Variants in PTPRN2 observed in about 807,000 individuals in gnomAD.
PTPRN2 encodes protein tyrosine phosphatase receptor type N2.
Under a neutral mutation model 118.8 loss-of-function variants are expected in PTPRN2, and 74 were observed. The ratio of observed to expected loss-of-function variants is 0.62; its 90% CI spans 0.52 to 0.76. The LOEUF (loss-of-function observed/expected upper bound fraction) is 0.76. Ranked by LOEUF, PTPRN2 falls within the 30% of genes least tolerant of loss-of-function variation. The probability of loss-of-function intolerance (pLI) is 0.00; values close to 1 mark genes in which losing one functional copy is unlikely to be tolerated. For synonymous variants in PTPRN2, 641 were observed against 608.0 expected (o/e 1.05, Z -0.80); for missense variants, 1,481 against 1,394.4 (o/e 1.06, Z -0.99).
intron 2 of PTPRN2, among the ~76,000 whole-genome samples, chr7:158,333,029 G>A (rs551082967): frequency 1.8e-5 from 2 of 110,360 alleles, no homozygotes; most frequent in African/African-American, 8.9e-5. Flanking sequence ...GCTGAAACCT[G>A]CAGACGTCAC....
Position 157,785,728 on chromosome 7 carries a change from G to A in PTPRN2, c.1789-102791C>T, listed in dbSNP as rs976778760. ...GGCATGGGGCCGGCCTGGGAAGCAT[G>A]GCGGGAGGGGAGAAGAATCGCGATC... On this transcript the variant is annotated intron_variant, in intron 12 of 22. Coordinates refer to ENST00000389418, the MANE Select transcript of PTPRN2 (RefSeq NM_002847.5). This position sits in a 1 kb window ranked among gnomAD's most constrained non-coding sequence, Gnocchi z 7.3. 2.0e-5 allele frequency among the ~76,000 whole-genome samples: 3 copies of A among 152,182 alleles called. No individual in the cohort carries two copies. Among genetic ancestry groups the A allele is most frequent in the Admixed American group, 6.5e-5 (1 of 15,286 alleles).
At chr7:158,175,126 C>A (rs1824069720) in intron 5 of PTPRN2, among the ~76,000 whole-genome samples, 1 of 152,166 alleles carries the variant, frequency 6.6e-6, no homozygotes, top group Non-Finnish European at 1.5e-5. Context: ...CACCGAGGAT[C>A]CAAAACAAAT....
At chr7:158,009,845 C>T (rs1805910906) in intron 11 of PTPRN2, among the ~76,000 whole-genome samples, 1 of 152,234 alleles carries the variant, frequency 6.6e-6, no homozygotes, top group African/African-American at 2.4e-5. Flanking sequence ...TAATGACACA[C>T]TCACTGCACA....
chr7:158,479,361 C>A (rs181119483), intron 2 of PTPRN2, among the ~76,000 whole-genome samples: 3 of 152,028 alleles, frequency 2.0e-5, no homozygotes, highest in African/African-American at 7.2e-5. Context: ...CTCCCTCTCT[C>A]CTCCGCTCTT....
chr7:158,305,039 G>A (rs1337083775), intron 3 of PTPRN2, among the ~76,000 whole-genome samples: 1 of 152,168 alleles, frequency 6.6e-6, no homozygotes, highest in African/African-American at 2.4e-5. Context: ...GCTGCAAAAG[G>A]TCTGCTTTGT....
At chr7:158,437,060 TCTC>T (rs765529172) in intron 2 of PTPRN2, among the ~76,000 whole-genome samples, 84 of 152,280 alleles carry the variant, frequency 5.5e-4, no homozygotes, top group Non-Finnish European at 3.8e-4. Context: ...CTGTTTTCCT[TCTC>T]CTCTTCTGGG....
intron 12 of PTPRN2, among the ~76,000 whole-genome samples, chr7:157,820,650 A>G (rs1304906734): frequency 6.6e-6 from 1 of 152,030 alleles, no homozygotes; most frequent in African/African-American, 2.4e-5. Flanking sequence ...GCACACACAC[A>G]TGCACACACA....
At chr7:157,579,537 A>G (rs1271059561) in intron 17 of PTPRN2, among the ~76,000 whole-genome samples, 2 of 152,208 alleles carry the variant, frequency 1.3e-5, no homozygotes. Flanking sequence ...TAAAAATACA[A>G]TGATCTAGAC....
chr7:158,060,847 G>A (rs1438553392), intron 11 of PTPRN2, among the ~76,000 whole-genome samples: 1 of 152,238 alleles, frequency 6.6e-6, no homozygotes, highest in Non-Finnish European at 1.5e-5. Flanking sequence ...GGCCTGGAGG[G>A]ATGAAGAAGG....
rs913267847 is a variant in PTPRN2, at chr7:158,210,272, A to C, written c.278-4999T>G. 1.3e-4 allele frequency among the ~76,000 whole-genome samples: 19 copies of C among 144,642 alleles called. No individual in the cohort carries two copies. In the South Asian group the frequency reaches 1.3e-3, roughly 10 times the overall value. 94.9% of individuals were successfully genotyped at this position (144,642 alleles called of 152,430 possible). Reference sequence around the variant, plus strand: ...TGCCTCAGCCTCCCGAGTAGCTGGGACTACAGGCGCCCGCTACCACGCCTG... The same window carrying C: ...TGCCTCAGCCTCCCGAGTAGCTGGGCCTACAGGCGCCCGCTACCACGCCTG... On this transcript the variant is annotated intron_variant, in intron 3 of 22. Transcript: ENST00000389418.
At chr7:158,371,170 C>T (rs763871214) in intron 2 of PTPRN2, among the ~76,000 whole-genome samples, 6 of 152,036 alleles carry the variant, frequency 3.9e-5, no homozygotes, top group Admixed American at 6.6e-5. Context: ...AAGGATAACA[C>T]GGCCAAGTGA....
chr7:158,195,767 G>T (rs536040054), intron 4 of PTPRN2, among the ~76,000 whole-genome samples: 1 of 152,146 alleles, frequency 6.6e-6, no homozygotes, highest in East Asian at 1.9e-4. Flanking sequence ...TTGTGTCTGT[G>T]TCAGTTCTGT....
At chr7:158,238,250 G>A (rs1419930318) in intron 3 of PTPRN2, among the ~76,000 whole-genome samples, 2 of 152,128 alleles carry the variant, frequency 1.3e-5, no homozygotes, top group African/African-American at 4.8e-5. Flanking sequence ...CCCTACAGCT[G>A]GGCCTGGAGA....
chr7:158,561,166 A>G (rs1827358259), intron 1 of PTPRN2, among the ~76,000 whole-genome samples: 1 of 152,244 alleles, frequency 6.6e-6, no homozygotes, highest in African/African-American at 2.4e-5. Flanking sequence ...AGATCGGGAC[A>G]TTAGATTACT....
chr7:157,629,577 G>A lies in PTPRN2; in HGVS notation c.2197-8068C>T, dbSNP rs796821618. 2.6e-5 allele frequency among the ~76,000 whole-genome samples: 4 copies of A among 151,714 alleles called. No homozygotes were observed. The highest frequency in any genetic ancestry group is 7.2e-5 in the African/African-American group (3 of 41,514). The stretch of plus-strand genomic sequence containing the variant: ...CGTGCAGTGGAAAGTGAGTCCCCAC[G>A]GATGACTGGAGGCGCCCATCATCAC... On this transcript the variant is annotated intron_variant, in intron 14 of 22. Transcript: ENST00000389418. The surrounding 1 kb of genome is among the most constrained non-coding windows in gnomAD (Gnocchi z 4.4).
At chr7:158,538,754 A>C (rs73510535) in intron 1 of PTPRN2, among the ~76,000 whole-genome samples, 3,617 of 152,288 alleles carry the variant, frequency 0.024, 135 homozygotes, top group African/African-American at 0.076. Context: ...CGGGAAGAGG[A>C]ACTCAGGTCC....
At chr7:157,952,445 G>GGGAGACGC (rs1455070355) in intron 11 of PTPRN2, among the ~76,000 whole-genome samples, 1 of 125,964 alleles carries the variant, frequency 7.9e-6, no homozygotes, top group Non-Finnish European at 1.9e-5. Flanking sequence ...AGGGTGGGTA[G>GGGAGACGC]TGTGCATGCC....
intron 11 of PTPRN2, among the ~76,000 whole-genome samples, chr7:157,915,727 A>G (rs1227620170): frequency 6.6e-6 from 1 of 152,150 alleles, no homozygotes; most frequent in East Asian, 1.9e-4. Context: ...ATAAAGGCCA[A>G]CATCAGTCAT....
chr7:157,812,743 G>A (rs1302842057), intron 12 of PTPRN2, among the ~76,000 whole-genome samples: 1 of 152,118 alleles, frequency 6.6e-6, no homozygotes, highest in East Asian at 1.9e-4. Context: ...TAGCCAAGGA[G>A]GCCCGTGATT....
Sources: allele counts gnomAD v4.1 joint callset (sites outside exome capture counted in the v4.1 genomes callset), GRCh38; gene constraint gnomAD v4.1.1; non-coding constraint Gnocchi (gnomAD v3.1); transcripts MANE v1.5; gene names NCBI Gene and HGNC (gene_info 2026-07-23, HGNC 2026-07-21).